Variants in KLHL13 observed in about 807,000 individuals in gnomAD.
KLHL13 encodes kelch-like protein 13.
Under a neutral mutation model 37.1 loss-of-function variants are expected in KLHL13, and 10 were observed. The observed-to-expected ratio is 0.27, with a 90% confidence interval of 0.17 to 0.46. The LOEUF (loss-of-function observed/expected upper bound fraction) is 0.46, where lower values mean the gene tolerates loss of function less well. KLHL13 is among the 20% of genes least tolerant of loss of function. The pLI is 1.00. For missense variants in KLHL13, 360 were observed against 509.3 expected (o/e 0.71, Z 2.82); for synonymous variants, 163 against 181.2 (o/e 0.90, Z 0.81).
At chrX:118,094,204 T>C (rs1463569167) in intron 1 of KLHL13, among the ~76,000 whole-genome samples, 10 of 110,868 alleles carry the variant, frequency 9.0e-5, no homozygotes, top group Non-Finnish European at 5.7e-5. Flanking sequence ...AAGGACCTGA[T>C]GGAGCTGAAA....
chrX:118,053,162 A>G (rs1428516722), intron 1 of KLHL13, among the ~76,000 whole-genome samples: 1 of 112,110 alleles, frequency 8.9e-6, no homozygotes, highest in Non-Finnish European at 1.9e-5. Flanking sequence ...AGGATTATAA[A>G]ACATGCTGCT....
chrX:118,021,170 A>G (rs1374654087), intron 1 of KLHL13, among the ~76,000 whole-genome samples: 1 of 107,800 alleles, frequency 9.3e-6, no homozygotes, highest in East Asian at 3.0e-4. Flanking sequence ...TTTTTGTTCG[A>G]TATCTGCCTT....
At chrX:118,010,236 C>T (rs1331561853) in intron 1 of KLHL13, among the ~76,000 whole-genome samples, 2 of 85,552 alleles carry the variant, frequency 2.3e-5, no homozygotes, top group African/African-American at 4.4e-5. Context: ...CATCCCATTA[C>T]TGGGTATATA....
intron 1 of KLHL13, among the ~76,000 whole-genome samples, chrX:118,076,740 C>A (rs1254961099): frequency 9.0e-6 from 1 of 111,232 alleles, no homozygotes; most frequent in East Asian, 2.8e-4. Flanking sequence ...CTGTCCCCCA[C>A]CCCCAAACAA....
In KLHL13 at chrX:118,089,669, A is replaced by AG. The variant is rs1556002570; in HGVS notation, c.-56+26838_-56+26839insC. Among the ~76,000 whole-genome samples, 522 of 88,066 alleles carry AG rather than the reference A, an allele frequency of 5.9e-3. 5 individuals carry two copies. The highest frequency in any genetic ancestry group is 0.021 in the African/African-American group (470 of 21,984). The allele number at this position is 88,066 out of a possible 115,157, so 76.5% of individuals were successfully genotyped here. ...AAGAAAGAAAGAAAGAAAGAAAGAA[A>AG]AAAGAAAGTTTCAATGAGATCCAGA... On this transcript the variant is annotated intron_variant, in intron 1 of 6. Coordinates refer to the KLHL13 transcript ENST00000371882.
intron 1 of KLHL13, among the ~76,000 whole-genome samples, chrX:118,029,708 C>T (rs1369769726): frequency 1.8e-5 from 2 of 111,939 alleles, no homozygotes; most frequent in Non-Finnish European, 3.8e-5. Flanking sequence ...GTGGCTGATG[C>T]CTATAATCCC....
chrX:118,047,917 G>A (rs772607268), intron 1 of KLHL13, among the ~76,000 whole-genome samples: 2 of 111,880 alleles, frequency 1.8e-5, no homozygotes, highest in East Asian at 5.6e-4. Context: ...AAAATAAGGT[G>A]TTATATGAAG....
intron 1 of KLHL13, among the ~76,000 whole-genome samples, chrX:118,056,381 C>G (rs955284901): frequency 9.0e-6 from 1 of 111,005 alleles, no homozygotes; most frequent in Non-Finnish European, 1.9e-5. Context: ...TGGTAATACT[C>G]CCCAAAGTGA....
chrX:118,064,379 T>C (rs777450093), intron 1 of KLHL13, among the ~76,000 whole-genome samples: 1 of 111,826 alleles, frequency 8.9e-6, no homozygotes, highest in African/African-American at 3.2e-5. Flanking sequence ...GCTTTCCCTT[T>C]TTCCCTCCAA....
At chrX:117,897,972 A>G (rs967382872) in exon 7 of KLHL13, 5 of 112,100 alleles carry the variant, frequency 4.5e-5, no homozygotes, top group African/African-American at 1.6e-4. Context: ...CCTCAACAGC[A>G]AAGGAGAAGG....
intron 1 of KLHL13, among the ~76,000 whole-genome samples, chrX:117,951,869 G>T (rs1933625781): frequency 1.8e-5 from 2 of 111,674 alleles, no homozygotes; most frequent in South Asian, 7.5e-4. Flanking sequence ...CCTCTTCAAG[G>T]ACAACTACAA....
intron 2 of KLHL13, among the ~76,000 whole-genome samples, chrX:117,928,821 T>C (rs939866542): frequency 4.5e-5 from 5 of 111,039 alleles, no homozygotes; most frequent in Non-Finnish European, 5.7e-5. Context: ...GGCAGGAGAA[T>C]TGCAATAATA....
intron 2 of KLHL13, among the ~76,000 whole-genome samples, chrX:117,939,713 A>G (rs181455352): frequency 1.3e-4 from 14 of 110,905 alleles, no homozygotes; most frequent in African/African-American, 4.3e-4. Context: ...TTTTTTTCAT[A>G]TATTTGTTGG....
In KLHL13 at chrX:118,025,501, T is replaced by C. The variant is rs149925820; in HGVS notation, c.-55-79926A>G. 1.8e-3 allele frequency among the ~76,000 whole-genome samples: 204 copies of C among 111,445 alleles called. 2 individuals carry two copies. Among genetic ancestry groups the C allele is most frequent in the African/African-American group, 6.5e-3 (198 of 30,697 alleles). ...TAGCCAGTTCAGTTAGTAGATCAAC[T>C]GCTGAGGTATTTAGTGCTTGTGTTC... On this transcript the variant is annotated intron_variant, in intron 1 of 6. Coordinates refer to the KLHL13 transcript ENST00000371882.
At chrX:118,052,644 G>A (rs749417446) in intron 1 of KLHL13, among the ~76,000 whole-genome samples, 1 of 107,727 alleles carries the variant, frequency 9.3e-6, no homozygotes, top group Non-Finnish European at 1.9e-5. Flanking sequence ...TGGCCAACAT[G>A]GTGAAACCCC....
exon 1 of KLHL13, chrX:117,973,436 C>G (rs1389616697): frequency 1.0e-6 from 1 of 964,678 alleles, no homozygotes; most frequent in Admixed American, 3.1e-5. Context: ...ATTCAGCAGC[C>G]TGCTTTCCTC....
intron 1 of KLHL13, among the ~76,000 whole-genome samples, chrX:118,031,992 G>C (rs2054356331): frequency 9.0e-6 from 1 of 110,751 alleles, no homozygotes; most frequent in African/African-American, 3.3e-5. Context: ...ACCGCACCTA[G>C]AAAATCGCAT....
At chrX:118,098,440 G>T (rs750108645) in intron 1 of KLHL13, among the ~76,000 whole-genome samples, 4,427 of 110,826 alleles carry the variant, frequency 0.04, 228 homozygotes, top group African/African-American at 0.14. Context: ...TGCTGGAGAG[G>T]ATGTGGAGAA....
At chrX:117,908,704 C>T (rs1196571394) in intron 5 of KLHL13, among the ~76,000 whole-genome samples, 5 of 111,440 alleles carry the variant, frequency 4.5e-5, no homozygotes, top group African/African-American at 1.6e-4. Context: ...TAAAGCTTAC[C>T]AGATGGGCTT....
Sources: gnomAD v4.1 joint callset for allele counts (sites outside exome capture counted in the v4.1 genomes callset) on GRCh38, gnomAD v4.1.1 for gene constraint, MANE v1.5 for transcripts, NCBI Gene and HGNC (gene_info 2026-07-23, HGNC 2026-07-21) for gene names.